The following LRRFIP1 variants were observed in gnomAD, a reference collection of about 807,000 sequenced individuals.
LRRFIP1 encodes the protein LRR binding FLII interacting protein 1.
LRRFIP1 carries 62 observed loss-of-function variants against 104.4 expected under a neutral mutation model. That is an observed-to-expected ratio of 0.59 (90% CI 0.48 to 0.73). The LOEUF (loss-of-function observed/expected upper bound fraction) is 0.73. LRRFIP1 is among the 30% of genes least tolerant of loss of function. The probability of loss-of-function intolerance (pLI) is 0.00; values close to 1 mark genes in which losing one functional copy is unlikely to be tolerated. For synonymous variants in LRRFIP1, 300 were observed against 299.0 expected (o/e 1.00, Z -0.03); for missense variants, 796 against 824.5 (o/e 0.97, Z 0.42).
intron 1 of LRRFIP1, among the ~76,000 whole-genome samples, chr2:237,671,795 GGT>G (rs1298518995): frequency 3.3e-5 from 5 of 150,830 alleles, no homozygotes; most frequent in African/African-American, 9.8e-5. Flanking sequence ...TGTGTGTGCA[GGT>G]GTGTGTGTGC....
chr2:237,774,054 A>G lies in LRRFIP1; in HGVS notation c.1708-304A>G, dbSNP rs184161996. The stretch of plus-strand genomic sequence containing the variant: ...TACCAGCACCATTCTGCCTGTTCCA[A>G]CAGAACAGCCCCACGCAGCGGGAGA... On this transcript the variant is annotated intron_variant, in intron 22 of 23. Coordinates refer to ENST00000308482, the MANE Select transcript of LRRFIP1 (RefSeq NM_001137550.2). 2.6e-4 allele frequency: 81 copies of G among 314,804 alleles called. 1 individual carries two copies. The highest frequency in any genetic ancestry group is 1.3e-3 in the South Asian group (31 of 24,158). The allele number at this position is 314,804 out of a possible 1,614,324, so 19.5% of individuals were successfully genotyped here. A position where few individuals can be genotyped will look rare whatever the true frequency, so the allele number is the denominator to read the frequency against.
At chr2:237,765,106 A>G (rs2060169464) in intron 19 of LRRFIP1, 1 of 424,886 alleles carries the variant, frequency 2.4e-6, no homozygotes, top group African/African-American at 2.2e-5. Context: ...TACTAAAAAT[A>G]CAAAAAATTG....
intron 6 of LRRFIP1, 164 bp downstream of exon 6, chr2:237,720,986 C>T: frequency 3.1e-6 from 2 of 638,918 alleles, no homozygotes; most frequent in South Asian, 3.8e-5. Flanking sequence ...GGGGATGTTT[C>T]TTTGTTGCTG....
At chr2:237,726,454 C>T (rs1298161290) in intron 7 of LRRFIP1, among the ~76,000 whole-genome samples, 1 of 152,190 alleles carries the variant, frequency 6.6e-6, no homozygotes, top group African/African-American at 2.4e-5. Flanking sequence ...ATGCCAGGCC[C>T]CTTCCATGTG....
intron 11 of LRRFIP1, among the ~76,000 whole-genome samples, chr2:237,740,600 G>A (rs1004766726): frequency 2.6e-5 from 4 of 152,040 alleles, no homozygotes; most frequent in Non-Finnish European, 4.4e-5. Flanking sequence ...CTTTTTTGGC[G>A]GGCTTTTCCT....
At chr2:237,743,911 C>T (rs2057459414) in intron 11 of LRRFIP1, among the ~76,000 whole-genome samples, 3 of 152,288 alleles carry the variant, frequency 2.0e-5, no homozygotes, top group Middle Eastern at 3.4e-3. Flanking sequence ...CCTGGTGAAG[C>T]CATCACGTTT....
intron 1 of LRRFIP1, among the ~76,000 whole-genome samples, chr2:237,705,952 A>G (rs1188913714): frequency 2.0e-5 from 3 of 152,228 alleles, no homozygotes; most frequent in Non-Finnish European, 4.4e-5. Context: ...ACCCTCTTTT[A>G]AAGGGCTTGC....
At chr2:237,692,593 G>C (rs941000294) in intron 1 of LRRFIP1, 2 of 1,419,074 alleles carry the variant, frequency 1.4e-6, no homozygotes, top group African/African-American at 1.5e-5. Flanking sequence ...AGCTCGTTCC[G>C]AGGTCAATGG....
In LRRFIP1 at chr2:237,691,645, G is replaced by T. The variant is rs575943893; in HGVS notation, c.97-16899G>T. ...AGCGTGGCCTGAGGGTGATGGATGTGGGGGAGCCGGGAACTCATACCCTCG... is the reference window on the plus strand; with the variant it reads ...AGCGTGGCCTGAGGGTGATGGATGTTGGGGAGCCGGGAACTCATACCCTCG... On this transcript the variant is annotated intron_variant, in intron 1 of 23. Coordinates refer to ENST00000308482, the MANE Select transcript of LRRFIP1 (RefSeq NM_001137550.2). This position sits in a 1 kb window ranked among gnomAD's most constrained non-coding sequence, Gnocchi z 5.4. Among the ~76,000 whole-genome samples the T allele has an allele frequency of 8.8e-5, 13 of 148,248 alleles. No individual in the cohort carries two copies. The highest frequency in any genetic ancestry group is 2.1e-4 in the South Asian group (1 of 4,820).
intron 1 of LRRFIP1, among the ~76,000 whole-genome samples, chr2:237,641,196 C>A (rs1381918679): frequency 1.4e-5 from 2 of 141,416 alleles, no homozygotes; most frequent in Non-Finnish European, 3.1e-5. Flanking sequence ...GGCAACATAA[C>A]AAGAACCCAT....
Position 237,779,846 on chromosome 2 carries a change from T to A in LRRFIP1, c.*314T>A. 5.4e-6 allele frequency: 1 copy of A among 185,796 alleles called. No homozygotes were observed. Among genetic ancestry groups the A allele is most frequent in the Admixed American group, 5.9e-5 (1 of 16,848 alleles). 11.5% of individuals were successfully genotyped at this position (185,796 alleles called of 1,614,324 possible). ...AGCAGCCTCTGAATGCCGCTGGAAG[T>A]GATGATCAAAGTAAAGATTCAGTTG... On this transcript the variant is annotated 3_prime_UTR_variant, in exon 24 of 24. Coordinates refer to ENST00000308482, the MANE Select transcript of LRRFIP1 (RefSeq NM_001137550.2).
chr2:237,762,580 C>A (rs751472630), intron 19 of LRRFIP1: 17 of 1,564,216 alleles, frequency 1.1e-5, no homozygotes, highest in Non-Finnish European at 1.5e-5. Flanking sequence ...GGGGTCCCTT[C>A]AATTTTCTCA....
At chr2:237,638,396 G>A (rs1184098514) in intron 1 of LRRFIP1, among the ~76,000 whole-genome samples, 2 of 152,226 alleles carry the variant, frequency 1.3e-5, no homozygotes, top group East Asian at 3.8e-4. Context: ...GGGAGTGGCT[G>A]TAAATACAGA....
At chr2:237,763,815 C>T in intron 19 of LRRFIP1, 1 of 1,614,088 alleles carries the variant, frequency 6.2e-7, no homozygotes, top group Non-Finnish European at 8.5e-7. Context: ...GAAGGTGTTG[C>T]AAAAGATAAT....
chr2:237,720,744 C>A, intron 5 of LRRFIP1, 28 bp from the exon 6 acceptor site: 1 of 1,606,442 alleles, frequency 6.2e-7, no homozygotes, highest in South Asian at 1.1e-5. Flanking sequence ...GATTCCTTCA[C>A]GGTTGTTCTC....
chr2:237,718,702 C>T (rs573611453), intron 4 of LRRFIP1, among the ~76,000 whole-genome samples: 1 of 152,274 alleles, frequency 6.6e-6, no homozygotes, highest in East Asian at 1.9e-4. Context: ...TTAAATGTTC[C>T]TTATACATAA....
At chr2:237,685,336 C>T (rs1020130362) in intron 1 of LRRFIP1, among the ~76,000 whole-genome samples, 3 of 152,086 alleles carry the variant, frequency 2.0e-5, no homozygotes, top group African/African-American at 7.2e-5. Flanking sequence ...GAGTTTAATT[C>T]CAGAGTAAAA....
intron 1 of LRRFIP1, among the ~76,000 whole-genome samples, chr2:237,639,238 A>G (rs2083545943): frequency 6.6e-6 from 1 of 152,144 alleles, no homozygotes; most frequent in African/African-American, 2.4e-5. Flanking sequence ...TGTGAGAAAA[A>G]TATAGGAAAG....
At position 237,704,054 on chromosome 2, in the gene LRRFIP1, C is replaced by T. The variant is rs146558534; in HGVS notation, c.97-4490C>T. 1.4e-4 allele frequency among the ~76,000 whole-genome samples: 22 copies of T among 152,168 alleles called. No homozygotes were observed. In the East Asian group the frequency reaches 4.1e-3, roughly 28 times the overall value. ...AACCCCTGCCTGCACAGTCAGCGCT[C>T]TCCCCAATGTCTGCCATCTGCCGTG... On this transcript the variant is annotated intron_variant, in intron 1 of 23. Transcript: ENST00000308482.
Sources: gnomAD v4.1 joint callset for allele counts (sites outside exome capture counted in the v4.1 genomes callset) on GRCh38, gnomAD v4.1.1 for gene constraint, Gnocchi (gnomAD v3.1) non-coding constraint, MANE v1.5 for transcripts, NCBI Gene and HGNC (gene_info 2026-07-23, HGNC 2026-07-21) for gene names.